Variants in PIK3C2B observed in about 807,000 individuals in gnomAD.
The protein encoded by PIK3C2B is phosphatidylinositol 4-phosphate 3-kinase C2 domain-containing subunit beta.
PIK3C2B carries 83 observed loss-of-function variants against 184.3 expected under a neutral mutation model. The observed-to-expected ratio is 0.45, with a 90% CI of 0.38 to 0.54. PIK3C2B has a LOEUF of 0.54. PIK3C2B is among the 20% of genes least tolerant of loss of function. PIK3C2B has a pLI of 0.00. For synonymous variants in PIK3C2B, 779 were observed against 837.6 expected (o/e 0.93, Z 1.21); for missense variants, 1,736 against 2,113.5 (o/e 0.82, Z 3.50).
intron 12 of PIK3C2B, among the ~76,000 whole-genome samples, chr1:204,451,598 G>A (rs1654365485): frequency 1.3e-5 from 2 of 152,116 alleles, no homozygotes; most frequent in African/African-American, 4.8e-5. Context: ...CTCCAGTCCC[G>A]GTTCTGCCAC....
At chr1:204,486,266 G>A (rs904993766) in intron 1 of PIK3C2B, among the ~76,000 whole-genome samples, 7 of 151,850 alleles carry the variant, frequency 4.6e-5, no homozygotes, top group East Asian at 1.9e-4. Context: ...ATGGTGATGC[G>A]CGCCAGTAAT....
chr1:204,439,624 TTCTC>T (rs199897184), intron 22 of PIK3C2B, among the ~76,000 whole-genome samples: 2 of 151,324 alleles, frequency 1.3e-5, no homozygotes, highest in African/African-American at 4.9e-5. Context: ...GTCTCTCTCC[TTCTC>T]TCTCTCTCTC....
intron 12 of PIK3C2B, 152 bp downstream of exon 12, chr1:204,454,517 G>T: frequency 1.6e-5 from 10 of 616,664 alleles, no homozygotes; most frequent in Non-Finnish European, 2.7e-5. Context: ...GGGAAGTGGA[G>T]ACTCAAGAGG....
chr1:204,487,230 C>A (rs1421596729), intron 1 of PIK3C2B, among the ~76,000 whole-genome samples: 5 of 152,204 alleles, frequency 3.3e-5, no homozygotes, highest in Non-Finnish European at 7.4e-5. Flanking sequence ...CTCAGCCTCT[C>A]AAGTAGCTAG....
Position 204,465,218 on chromosome 1 carries a change from C to T in PIK3C2B, c.1034+1G>A, listed in dbSNP as rs1655659973. 8.7e-7 allele frequency: 1 copy of T among 1,143,214 alleles called. No individual in the cohort carries two copies. Among genetic ancestry groups the T allele is most frequent in the Non-Finnish European group, 1.2e-6 (1 of 818,674 alleles). The allele number at this position is 1,143,214 out of a possible 1,614,324, so 70.8% of individuals were successfully genotyped here. On this transcript the variant is annotated splice_donor_variant, in intron 3 of 32. Transcript: ENST00000684373. LOFTEE classifies it high-confidence loss of function. ...ATCCCACCCCATTCTTTAACTCTTACATATCCAGCATGTGGCAAAATGCAG... is the reference window on the plus strand; with the variant it reads ...ATCCCACCCCATTCTTTAACTCTTATATATCCAGCATGTGGCAAAATGCAG...
At chr1:204,471,002 C>T (rs111822543) in intron 1 of PIK3C2B, among the ~76,000 whole-genome samples, 3 of 152,102 alleles carry the variant, frequency 2.0e-5, no homozygotes, top group Admixed American at 6.5e-5. Context: ...TGGATTACAA[C>T]GGGACACAAG....
In PIK3C2B at chr1:204,460,658, C is replaced by T. The variant is rs529355708; in HGVS notation, c.1314G>A (p.Lys438=). 6.2e-5 allele frequency: 100 copies of T among 1,601,874 alleles called. 1 individual carries two copies. Among genetic ancestry groups the T allele is most frequent in the Middle Eastern group, 5.0e-4 (3 of 6,024 alleles). The change falls in exon 6 of 33, where the codon AAG becomes AAA. Residue 438 remains lysine (K), a synonymous_variant. Coordinates refer to ENST00000684373, the MANE Select transcript of PIK3C2B (RefSeq NM_001377334.1). ...TGTACTCATGACTGCCCAAGGCATG[C>T]TTGCTGGTAGGGTAGAGGGACAAGA... ...PCGLEEFLQN[K]HALGSHEYIQ... is the part of the protein sequence containing the mutation.
At chr1:204,441,815 G>A (rs541276272) in intron 20 of PIK3C2B, among the ~76,000 whole-genome samples, 2 of 152,126 alleles carry the variant, frequency 1.3e-5, no homozygotes, top group African/African-American at 4.8e-5. Flanking sequence ...TTCATTCTGC[G>A]CACAACTTAC....
chr1:204,460,434 G>A (rs1285455957), intron 6 of PIK3C2B, 31 bp from the exon 7 acceptor site: 1 of 1,589,590 alleles, frequency 6.3e-7, no homozygotes, highest in Non-Finnish European at 8.6e-7. Flanking sequence ...TCAGAGAGGG[G>A]CGGTGCCCTT....
At chr1:204,464,207 C>T in intron 4 of PIK3C2B, 75 bp from the exon 5 acceptor site, 7 of 1,531,872 alleles carry the variant, frequency 4.6e-6, no homozygotes, top group Non-Finnish European at 4.5e-6. Context: ...CCACCCTGAT[C>T]CCCCTTTCCA....
At position 204,423,071 on chromosome 1, in the gene PIK3C2B, A is replaced by T; in HGVS notation, c.*1781T>A. ...GAAATATCCAGCCAATTCTGGTTTT[A>T]AAGATTCATATCAAATTCAAAGTCC... On this transcript the variant is annotated 3_prime_UTR_variant, in exon 33 of 33. Coordinates refer to ENST00000684373, the MANE Select transcript of PIK3C2B (RefSeq NM_001377334.1). 6.6e-6 allele frequency: 1 copy of T among 152,200 alleles called. No individual in the cohort carries two copies. Among genetic ancestry groups the T allele is most frequent in the Non-Finnish European group, 1.5e-5 (1 of 68,034 alleles). 9.4% of individuals were successfully genotyped at this position (152,200 alleles called of 1,614,324 possible). A position where few individuals can be genotyped will look rare whatever the true frequency, so the allele number is the denominator to read the frequency against.
In PIK3C2B at chr1:204,437,783, G is replaced by A. The variant is rs111871652; in HGVS notation, c.3516+1152C>T. 3.2e-3 allele frequency among the ~76,000 whole-genome samples: 485 copies of A among 152,298 alleles called. 2 individuals carry two copies. The highest frequency in any genetic ancestry group is 0.011 in the African/African-American group (445 of 41,562). ...TGACTGATAGCAAACACAAAAAGCA[G>A]GTTTCAAGAGGCAAAGGAGAGACAG... On this transcript the variant is annotated intron_variant, in intron 23 of 32. Coordinates refer to ENST00000684373, the MANE Select transcript of PIK3C2B (RefSeq NM_001377334.1).
Position 204,433,347 on chromosome 1 carries a change from T to C in PIK3C2B, c.3922A>G (p.Thr1308Ala), listed in dbSNP as rs1291493534. 2.5e-6 allele frequency: 4 copies of C among 1,604,382 alleles called. No homozygotes were observed. Among genetic ancestry groups the C allele is most frequent in the Non-Finnish European group, 3.4e-6 (4 of 1,171,092 alleles). Residue 1308 changes from threonine (T) to alanine (A), a missense_variant, in exon 26 of 33, where the codon ACA (threonine) becomes GCA (alanine). Around this residue, in one of 8 missense-constraint regions of PIK3C2B, gnomAD observed 119 missense variants for 179.3 expected, o/e 0.66. Transcript: ENST00000684373. The surrounding 1 kb of genome is among the most constrained non-coding windows in gnomAD (Gnocchi z 5.0). ...AAGTAGGTAGTGGCATTGGCCTCTG[T>C]ATCCTGAGGCCTCAGGGCATCGTAC... is the stretch of plus-strand genomic sequence containing the variant. ...YVYDALRPQD[T>A]EANATTYFTR...
At chr1:204,483,201 C>T (rs1452001038) in intron 1 of PIK3C2B, among the ~76,000 whole-genome samples, 4 of 152,068 alleles carry the variant, frequency 2.6e-5, no homozygotes, top group East Asian at 3.9e-4. Flanking sequence ...GCAGGACGAT[C>T]GCTTGAGCCC....
intron 21 of PIK3C2B, 65 bp downstream of exon 21, chr1:204,441,406 C>A (rs1675653731): frequency 2.0e-6 from 2 of 999,258 alleles, no homozygotes; most frequent in South Asian, 2.8e-5. Context: ...CTACTTAATG[C>A]CACTCTAGGC....
Position 204,459,901 on chromosome 1 carries a change from C to T in PIK3C2B, c.1543G>A (p.Val515Met), listed in dbSNP as rs1180322607. 1 of 1,613,930 alleles carries T rather than the reference C, an allele frequency of 6.2e-7. No homozygotes were observed. The highest frequency in any genetic ancestry group is 1.7e-5 in the Admixed American group (1 of 60,012). The change falls in exon 8 of 33, where the codon GTG becomes ATG. Residue 515 changes from valine to methionine, a missense_variant. This residue lies in a region of PIK3C2B where 609 missense variants were observed against 699.2 expected (regional missense o/e 0.87). Transcript: ENST00000684373. ...SLLFDTYHNEVDAFLLADGDF... is the reference protein window; with the variant it reads ...SLLFDTYHNEMDAFLLADGDF... ...ACATCAGCCAGCAGGAAGGCATCCA[C>T]CTCATTGTGGTAAGTGTCGAACAGA...
At chr1:204,448,100 CTTAT>C (rs1213875871) in intron 14 of PIK3C2B, among the ~76,000 whole-genome samples, 4 of 152,162 alleles carry the variant, frequency 2.6e-5, no homozygotes, top group Non-Finnish European at 5.9e-5. Context: ...ATTCAAAAAA[CTTAT>C]TTATTTATTC....
intron 22 of PIK3C2B, among the ~76,000 whole-genome samples, chr1:204,439,461 T>C (rs2103478480): frequency 6.6e-6 from 1 of 152,330 alleles, no homozygotes; most frequent in East Asian, 1.9e-4. Flanking sequence ...CCTGCCACCT[T>C]GGTTGGAGTA....
At position 204,424,607 on chromosome 1, in the gene PIK3C2B, G is replaced by T; in HGVS notation, c.*245C>A. ...TGACACAAGGTAAACTTAAAACTTT[G>T]CTGCAACCTCACAGCCTCCAAGGGG... On this transcript the variant is annotated 3_prime_UTR_variant, in exon 33 of 33. Coordinates refer to ENST00000684373, the MANE Select transcript of PIK3C2B (RefSeq NM_001377334.1). 1.8e-6 allele frequency: 1 copy of T among 557,486 alleles called. No homozygotes were observed. Among genetic ancestry groups the T allele is most frequent in the East Asian group, 4.2e-5 (1 of 23,706 alleles). The allele number at this position is 557,486 out of a possible 1,614,324, so 34.5% of individuals were successfully genotyped here.
Sources: gnomAD v4.1 joint callset for allele counts (sites outside exome capture counted in the v4.1 genomes callset) on GRCh38, gnomAD v4.1.1 for gene constraint, gnomAD v4.1.1 regional missense constraint, Gnocchi (gnomAD v3.1) non-coding constraint, MANE v1.5 for transcripts, NCBI Gene and HGNC (gene_info 2026-07-23, HGNC 2026-07-21) for gene names.